The following TRAF3 variants were observed in gnomAD, a reference collection of about 807,000 sequenced individuals.
TRAF3 encodes TNF receptor associated factor 3.
A neutral mutation model predicts 62.3 loss-of-function variants in TRAF3; 13 were observed. That is an observed-to-expected ratio of 0.21 (90% CI 0.14 to 0.33). The LOEUF (loss-of-function observed/expected upper bound fraction) is 0.33, where lower values mean the gene tolerates loss of function less well. Among genes scored for constraint, TRAF3 ranks in the 10% least tolerant of loss-of-function variants. The probability of loss-of-function intolerance (pLI) is 1.00; values close to 1 mark genes in which losing one functional copy is unlikely to be tolerated. For synonymous variants in TRAF3, 269 were observed against 283.4 expected (o/e 0.95, Z 0.51); for missense variants, 440 against 741.8 (o/e 0.59, Z 4.73).
chr14:102,869,150 G>A (rs1476979343), intron 2 of TRAF3, among the ~76,000 whole-genome samples: 1 of 152,192 alleles, frequency 6.6e-6, no homozygotes. Flanking sequence ...ATGGTGTGAC[G>A]TGCTCTGTGG....
At chr14:102,820,596 ATATATATATATATATATATTTTTTTTTTT>A (rs1463439466) in intron 1 of TRAF3, among the ~76,000 whole-genome samples, 246 of 11,362 alleles carry the variant, frequency 0.022, 14 homozygotes, top group African/African-American at 0.065. Context: ...ATATATATAT[ATATATATATATATATATATTTTTTTTTTT>A]TTTTTTTTTT....
chr14:102,855,496 T>A (rs537824354), intron 2 of TRAF3, among the ~76,000 whole-genome samples: 2 of 152,076 alleles, frequency 1.3e-5, no homozygotes, highest in Non-Finnish European at 2.9e-5. Context: ...GTTATTTTCC[T>A]TTTTTAAAAA....
At chr14:102,837,106 TAAGC>T (rs1345638456) in intron 2 of TRAF3, among the ~76,000 whole-genome samples, 2 of 145,584 alleles carry the variant, frequency 1.4e-5, no homozygotes, top group Non-Finnish European at 3.0e-5. Context: ...AGCTAGAAAT[TAAGC>T]AAGTAATTTG....
At position 102,814,651 on chromosome 14, in the gene TRAF3, T is replaced by G. The variant is rs548850488; in HGVS notation, c.-156-15683T>G. On this transcript the variant is annotated intron_variant, in intron 1 of 11. Transcript: ENST00000392745. ...CTCCCACCTCAGCCTCCTGAATAGCTGGGACTGCAGGCACATGCCACCACA... is the reference window on the plus strand; with the variant it reads ...CTCCCACCTCAGCCTCCTGAATAGCGGGGACTGCAGGCACATGCCACCACA... Among the ~76,000 whole-genome samples, 3 of 152,202 alleles carry G rather than the reference T, an allele frequency of 2.0e-5. No individual in the cohort carries two copies. The South Asian group carries it at 6.2e-4, about 32-fold the overall frequency.
At chr14:102,843,566 G>T (rs926525947) in intron 2 of TRAF3, among the ~76,000 whole-genome samples, 1 of 152,164 alleles carries the variant, frequency 6.6e-6, no homozygotes, top group Non-Finnish European at 1.5e-5. Flanking sequence ...TCGAACTCCT[G>T]ATTTCAAGCA....
intron 1 of TRAF3, among the ~76,000 whole-genome samples, chr14:102,796,378 C>T (rs1404859274): frequency 6.6e-6 from 1 of 152,208 alleles, no homozygotes; most frequent in Admixed American, 6.5e-5. Context: ...GTATCCTCTA[C>T]GATATACCGG....
At chr14:102,894,879 G>A (rs1359749370) in intron 9 of TRAF3, among the ~76,000 whole-genome samples, 2 of 152,056 alleles carry the variant, frequency 1.3e-5, no homozygotes, top group Non-Finnish European at 2.9e-5. Flanking sequence ...GTGTTTTTTT[G>A]TAGAGATGGA....
chr14:102,806,284 GT>G (rs1898769573), intron 1 of TRAF3, among the ~76,000 whole-genome samples: 1 of 152,150 alleles, frequency 6.6e-6, no homozygotes, highest in Admixed American at 6.5e-5. Context: ...AAGATTTTAT[GT>G]TTTCATAAGG....
intron 1 of TRAF3, among the ~76,000 whole-genome samples, chr14:102,795,116 G>A (rs1898000923): frequency 6.6e-6 from 1 of 152,120 alleles, no homozygotes; most frequent in Non-Finnish European, 1.5e-5. Context: ...GACAGTTCTG[G>A]CTGTTTATAT....
intron 1 of TRAF3, among the ~76,000 whole-genome samples, chr14:102,812,977 GTTTA>G (rs1345230068): frequency 1.3e-5 from 2 of 151,922 alleles, no homozygotes; most frequent in African/African-American, 4.8e-5. Context: ...TTATTTATTT[GTTTA>G]TTTATTTAGT....
chr14:102,908,077 A>G lies in TRAF3; in HGVS notation c.*2293A>G, dbSNP rs1464930163. The G allele has an allele frequency of 6.6e-6, 1 of 152,274 alleles. No individual in the cohort carries two copies. The highest frequency in any genetic ancestry group is 2.4e-5 in the African/African-American group (1 of 41,470). The allele number at this position is 152,274 out of a possible 1,614,324, so 9.4% of individuals were successfully genotyped here. On this transcript the variant is annotated 3_prime_UTR_variant, in exon 12 of 12. Transcript: ENST00000392745. The stretch of plus-strand genomic sequence containing the variant: ...CAAAATGTATAATATTAGATGAAGG[A>G]TATGCAACATCTTGGTCTAGTAAGA...
chr14:102,837,328 G>C (rs1426906996), intron 2 of TRAF3, among the ~76,000 whole-genome samples: 1 of 151,922 alleles, frequency 6.6e-6, no homozygotes, highest in Non-Finnish European at 1.5e-5. Context: ...TTATAGACAT[G>C]GGGTCTCACT....
chr14:102,855,502 A>T (rs941331213), intron 2 of TRAF3, among the ~76,000 whole-genome samples: 45 of 152,082 alleles, frequency 3.0e-4, no homozygotes, highest in African/African-American at 1.1e-3. Flanking sequence ...TTCCTTTTTT[A>T]AAAAAATTAT....
At chr14:102,856,056 C>G (rs1254237739) in intron 2 of TRAF3, among the ~76,000 whole-genome samples, 1 of 143,300 alleles carries the variant, frequency 7.0e-6, no homozygotes, top group Non-Finnish European at 1.5e-5. Context: ...CACACCACTG[C>G]ACTCCATCCA....
chr14:102,887,215 G>T (rs531558180), intron 7 of TRAF3, among the ~76,000 whole-genome samples: 19 of 152,342 alleles, frequency 1.2e-4, no homozygotes, highest in Admixed American at 1.1e-3. Context: ...GCTACCCTGG[G>T]CTCCCTGGAT....
chr14:102,888,288 G>A (rs541182938), intron 7 of TRAF3, among the ~76,000 whole-genome samples: 5 of 152,314 alleles, frequency 3.3e-5, no homozygotes, highest in Admixed American at 6.5e-5. Flanking sequence ...AGGGGCAGCC[G>A]GTCTGGGTTC....
intron 1 of TRAF3, among the ~76,000 whole-genome samples, chr14:102,779,314 A>G (rs1005523193): frequency 1.5e-5 from 2 of 129,700 alleles, no homozygotes; most frequent in African/African-American, 6.2e-5. Flanking sequence ...ATTCATGTGA[A>G]TTTCTCTGCG....
chr14:102,839,257 C>A (rs1450350084), intron 2 of TRAF3, among the ~76,000 whole-genome samples: 3 of 118,770 alleles, frequency 2.5e-5, no homozygotes, highest in Non-Finnish European at 4.8e-5. Context: ...CTCACTCTGT[C>A]ACCCAGGCTG....
chr14:102,873,549 A>G (rs1338486575), intron 4 of TRAF3, among the ~76,000 whole-genome samples: 1 of 152,224 alleles, frequency 6.6e-6, no homozygotes, highest in African/African-American at 2.4e-5. Flanking sequence ...TTATCAAAGA[A>G]TCATGAACGA....
Sources: gnomAD v4.1 joint callset for allele counts (sites outside exome capture counted in the v4.1 genomes callset) on GRCh38, gnomAD v4.1.1 for gene constraint, MANE v1.5 for transcripts, NCBI Gene and HGNC (gene_info 2026-07-23, HGNC 2026-07-21) for gene names.